DIAPH2: variants seen among roughly 807,000 people sequenced by gnomAD.
DIAPH2 encodes the protein protein diaphanous homolog 2.
A neutral mutation model predicts 92.7 loss-of-function variants in DIAPH2; 35 were observed. That is an observed-to-expected ratio of 0.38 (90% CI 0.29 to 0.50). DIAPH2 has a LOEUF of 0.50. DIAPH2 is among the 20% of genes least tolerant of loss of function. DIAPH2 has a pLI of 0.94. For synonymous variants in DIAPH2, 301 were observed against 280.4 expected (o/e 1.07, Z -0.73); for missense variants, 701 against 819.5 (o/e 0.86, Z 1.77).
At chrX:97,157,649 A>G (rs2067334208) in intron 22 of DIAPH2, among the ~76,000 whole-genome samples, 2 of 111,071 alleles carry the variant, frequency 1.8e-5, no homozygotes, top group Admixed American at 9.7e-5. Flanking sequence ...AACTTGCTTT[A>G]ACTTTGGACT....
intron 22 of DIAPH2, among the ~76,000 whole-genome samples, chrX:97,203,290 A>T (rs1262602099): frequency 9.0e-6 from 1 of 111,699 alleles, no homozygotes; most frequent in African/African-American, 3.3e-5. Context: ...CAAATTGAAA[A>T]GCTAGCAGAA....
At chrX:97,103,967 G>C (rs5966972) in intron 20 of DIAPH2, among the ~76,000 whole-genome samples, 2 of 111,138 alleles carry the variant, frequency 1.8e-5, no homozygotes, top group Non-Finnish European at 3.8e-5. Context: ...TCCCTCTCTT[G>C]TTTATACTTC....
chrX:97,023,716 A>T (rs2066312940), intron 17 of DIAPH2, among the ~76,000 whole-genome samples: 1 of 111,972 alleles, frequency 8.9e-6, no homozygotes, highest in Non-Finnish European at 1.9e-5. Flanking sequence ...TTGGAAGCAG[A>T]TTTGCATTCA....
In DIAPH2 at chrX:97,104,292, G is replaced by A. The variant is rs752771416; in HGVS notation, c.2349+4497G>A. ...TCCCATCTTATTCTGTATCTATATG[G>A]CATTTGATAACATAAAAGAATTTAA... is the stretch of plus-strand genomic sequence containing the variant. On this transcript the variant is annotated intron_variant, in intron 20 of 26. Coordinates refer to ENST00000324765, the MANE Select transcript of DIAPH2 (RefSeq NM_006729.5). Among the ~76,000 whole-genome samples, 4 of 111,392 alleles carry A rather than the reference G, an allele frequency of 3.6e-5. No homozygotes were observed. In the East Asian group the frequency reaches 1.1e-3, roughly 31 times the overall value.
chrX:97,117,750 C>G (rs1282312830), intron 21 of DIAPH2, among the ~76,000 whole-genome samples: 2 of 111,941 alleles, frequency 1.8e-5, no homozygotes, highest in African/African-American at 6.5e-5. Flanking sequence ...AATGTCAACA[C>G]TAAAGGGTAT....
At chrX:96,704,971 GT>G (rs397896760) in intron 1 of DIAPH2, among the ~76,000 whole-genome samples, 429 of 84,542 alleles carry the variant, frequency 5.1e-3, no homozygotes, top group Middle Eastern at 0.012. Flanking sequence ...AAAACAGAGG[GT>G]TTTTTTTTTT....
chrX:97,481,274 G>A (rs1012292882), intron 26 of DIAPH2, among the ~76,000 whole-genome samples: 2 of 111,824 alleles, frequency 1.8e-5, no homozygotes, highest in Admixed American at 1.9e-4. Flanking sequence ...GACTACTACA[G>A]TGGAATTTTG....
chrX:97,070,537 C>G (rs2066662529), intron 17 of DIAPH2, among the ~76,000 whole-genome samples: 1 of 111,493 alleles, frequency 9.0e-6, no homozygotes, highest in South Asian at 3.7e-4. Context: ...TTATCTAAGC[C>G]TGTGGTCATG....
At chrX:97,326,324 G>A (rs1377262831) in intron 23 of DIAPH2, among the ~76,000 whole-genome samples, 1 of 111,969 alleles carries the variant, frequency 8.9e-6, no homozygotes, top group Non-Finnish European at 1.9e-5. Context: ...AATAATGTTT[G>A]TATCACTGTT....
chrX:96,749,988 A>G (rs986646366), intron 3 of DIAPH2, among the ~76,000 whole-genome samples: 5 of 110,915 alleles, frequency 4.5e-5, no homozygotes, highest in Non-Finnish European at 7.5e-5. Context: ...CTAATTGTTA[A>G]AACGTCAAGG....
intron 23 of DIAPH2, among the ~76,000 whole-genome samples, chrX:97,265,233 T>G (rs1436646557): frequency 1.8e-5 from 2 of 111,357 alleles, no homozygotes; most frequent in African/African-American, 3.3e-5. Flanking sequence ...GAGTGGTACT[T>G]TAGTAAGATT....
intron 4 of DIAPH2, among the ~76,000 whole-genome samples, chrX:96,845,130 T>A (rs188718221): frequency 1.8e-4 from 20 of 111,949 alleles, no homozygotes; most frequent in Non-Finnish European, 3.2e-4. Flanking sequence ...CTCATTTTTC[T>A]TCCTGGATTT....
chrX:97,052,970 G>C (rs1283140271), intron 17 of DIAPH2, among the ~76,000 whole-genome samples: 1 of 110,920 alleles, frequency 9.0e-6, no homozygotes, highest in African/African-American at 3.3e-5. Context: ...TTTGGACTAG[G>C]AAATTATCAG....
At chrX:97,458,908 T>G (rs761050299) in intron 26 of DIAPH2, among the ~76,000 whole-genome samples, 4 of 111,782 alleles carry the variant, frequency 3.6e-5, no homozygotes, top group Non-Finnish European at 7.5e-5. Context: ...AACATGGGTA[T>G]GCTGAAGCAG....
At chrX:97,109,793 G>A (rs1797450297) in intron 20 of DIAPH2, among the ~76,000 whole-genome samples, 1 of 111,558 alleles carries the variant, frequency 9.0e-6, no homozygotes, top group Non-Finnish European at 1.9e-5. Context: ...TATGAATGAA[G>A]CCATTCATTC....
chrX:96,837,433 CTGTGTGTGTG>C (rs1168572857), intron 4 of DIAPH2, among the ~76,000 whole-genome samples: 267 of 41,303 alleles, frequency 6.5e-3, no homozygotes, highest in Admixed American at 0.012. Flanking sequence ...CTCTCTCTCT[CTGTGTGTGTG>C]TGTGTGTGTG....
chrX:97,017,245 T>C (rs1433752528), intron 17 of DIAPH2, among the ~76,000 whole-genome samples: 1 of 112,366 alleles, frequency 8.9e-6, no homozygotes, highest in Non-Finnish European at 1.9e-5. Flanking sequence ...TAAATATCAT[T>C]AGTCTTATTT....
At chrX:97,167,041 A>G (rs1458810479) in intron 22 of DIAPH2, among the ~76,000 whole-genome samples, 2 of 111,890 alleles carry the variant, frequency 1.8e-5, no homozygotes, top group Non-Finnish European at 1.9e-5. Flanking sequence ...TCTGAATCCA[A>G]TTCCTCTGCC....
At chrX:97,574,520 C>T (rs966597862) in intron 26 of DIAPH2, among the ~76,000 whole-genome samples, 5 of 110,714 alleles carry the variant, frequency 4.5e-5, no homozygotes, top group African/African-American at 1.3e-4. Context: ...GAAGATAGAT[C>T]GCACAGGGAC....
Sources: gnomAD v4.1 joint callset for allele counts (sites outside exome capture counted in the v4.1 genomes callset) on GRCh38, gnomAD v4.1.1 for gene constraint, MANE v1.5 for transcripts, NCBI Gene and HGNC (gene_info 2026-07-23, HGNC 2026-07-21) for gene names.